The following SYCE1 variants were observed in gnomAD, a reference collection of about 807,000 sequenced individuals.
SYCE1 encodes synaptonemal complex central element protein 1.
In SYCE1, 37 loss-of-function variants were observed where a neutral mutation model predicts 55.1. The observed-to-expected ratio is 0.67, with a 90% CI of 0.52 to 0.88. The LOEUF is 0.88. Ranked by LOEUF, SYCE1 falls within the 40% of genes least tolerant of loss-of-function variation. The pLI is 0.00. For synonymous variants in SYCE1, 163 were observed against 159.4 expected (o/e 1.02, Z -0.17); for missense variants, 399 against 416.4 (o/e 0.96, Z 0.36).
At chr10:133,557,008 T>G (rs536579497) in intron 7 of SYCE1, 59 bp downstream of exon 7, 27 of 1,553,618 alleles carry the variant, frequency 1.7e-5, no homozygotes, top group Admixed American at 3.3e-5. Context: ...CCCCCATCTT[T>G]GACATTATAT....
At position 133,554,935 on chromosome 10, in the gene SYCE1, C is replaced by T. The variant is rs1851615354; in HGVS notation, c.*57G>A. On this transcript the variant is annotated 3_prime_UTR_variant, in exon 13 of 13. Transcript: ENST00000343131. ...GTCAAGCCAAGGCTTCAATCAGTCA[C>T]AGGAGACTGGGGATCTTGGGCCTGA... 1.3e-6 allele frequency: 2 copies of T among 1,486,838 alleles called. No individual in the cohort carries two copies. Among genetic ancestry groups the T allele is most frequent in the Admixed American group, 2.4e-5 (1 of 40,916 alleles). The allele number at this position is 1,486,838 out of a possible 1,614,324, so 92.1% of individuals were successfully genotyped here.
chr10:133,567,173 T>C (rs1851964263), upstream of SYCE1, among the ~76,000 whole-genome samples: 1 of 150,516 alleles, frequency 6.6e-6, no homozygotes. Flanking sequence ...AGGGTTGGTG[T>C]TGGATTTAGG....
intron 1 of SYCE1, among the ~76,000 whole-genome samples, chr10:133,562,338 TTTC>T (rs1445997079): frequency 1.3e-5 from 2 of 150,100 alleles, no homozygotes; most frequent in Non-Finnish European, 3.0e-5. Context: ...CTTCATGATT[TTTC>T]TTTTTTCTCT....
In SYCE1 at chr10:133,563,261, G is replaced by C. The variant is rs80273010; in HGVS notation, c.73+2196C>G. On this transcript the variant is annotated intron_variant, in intron 1 of 12. Transcript: ENST00000343131. ...ATTCTGGATATGGCTAATGGGCAAG[G>C]TGTTCATCACTGTATTGTTTATAAT... 7.5e-3 allele frequency among the ~76,000 whole-genome samples: 1,138 copies of C among 152,268 alleles called. 15 individuals are homozygous for C. The highest frequency in any genetic ancestry group is 0.026 in the African/African-American group (1,084 of 41,526).
chr10:133,564,533 G>A (rs1851882476), intron 1 of SYCE1: 1 of 585,230 alleles, frequency 1.7e-6, no homozygotes, highest in Admixed American at 6.4e-5. Context: ...CTTCGCTGGG[G>A]CTTTCACTGT....
At chr10:133,558,401 T>G in intron 4 of SYCE1, 187 bp from the exon 5 acceptor site, 1 of 649,256 alleles carries the variant, frequency 1.5e-6, no homozygotes, top group Non-Finnish European at 2.7e-6. Flanking sequence ...GCCTTCACAT[T>G]TACAGAGGGT....
intron 1 of SYCE1, chr10:133,564,449 C>T: frequency 1.0e-6 from 1 of 985,282 alleles, no homozygotes; most frequent in Non-Finnish European, 1.2e-6. Context: ...TACTGAAAGG[C>T]TAGCACACCG....
chr10:133,559,371 G>C lies in SYCE1; in HGVS notation c.137-11C>G. 1 of 1,613,990 alleles carries C rather than the reference G, an allele frequency of 6.2e-7. No homozygotes were observed. Among genetic ancestry groups the C allele is most frequent in the Non-Finnish European group, 8.5e-7 (1 of 1,179,924 alleles). On this transcript the variant is annotated splice_polypyrimidine_tract_variant and intron_variant, in intron 2 of 12. Transcript: ENST00000343131. ...GCTCTAGGCTTCCCACTGCACGGAG[G>C]AAAGGAGGTTGAGTTGACAGGGCAG...
chr10:133,557,306 C>A (rs1851708784), intron 6 of SYCE1, 150 bp from the exon 7 acceptor site: 1 of 674,382 alleles, frequency 1.5e-6, no homozygotes, highest in Non-Finnish European at 2.6e-6. Context: ...AGTGACATGA[C>A]CATTTGCCCC....
intron 1 of SYCE1, among the ~76,000 whole-genome samples, chr10:133,562,277 G>C (rs1405877504): frequency 2.0e-5 from 2 of 98,506 alleles, no homozygotes; most frequent in African/African-American, 7.3e-5. Flanking sequence ...GTGTGTGTGT[G>C]TGTGTGTGTG....
intron 8 of SYCE1, 53 bp downstream of exon 8, chr10:133,556,706 T>G: frequency 6.5e-7 from 1 of 1,536,674 alleles, no homozygotes; most frequent in South Asian, 1.2e-5. Context: ...CGTTTGGGCC[T>G]GGTGCTGCTA....
chr10:133,566,701 G>C (rs1052113506), upstream of SYCE1, among the ~76,000 whole-genome samples: 6 of 151,474 alleles, frequency 4.0e-5, no homozygotes, highest in African/African-American at 1.5e-4. Flanking sequence ...AAGGGTTAGG[G>C]TTTTAGGGTA....
chr10:133,556,274 A>G (rs1851680722), intron 8 of SYCE1: 1 of 594,636 alleles, frequency 1.7e-6, no homozygotes, highest in Admixed American at 3.0e-5. Flanking sequence ...GGGGATGCTC[A>G]TGGATTGTTA....
At chr10:133,562,140 A>G (rs1851827627) in intron 1 of SYCE1, among the ~76,000 whole-genome samples, 1 of 152,168 alleles carries the variant, frequency 6.6e-6, no homozygotes, top group African/African-American at 2.4e-5. Context: ...CTGGTTTGAT[A>G]CTTGGTACTT....
chr10:133,555,178 C>A, intron 12 of SYCE1, 49 bp from the exon 13 acceptor site: 1 of 1,529,438 alleles, frequency 6.5e-7, no homozygotes, highest in Non-Finnish European at 8.8e-7. Flanking sequence ...ATCCCCATGG[C>A]CACATGGTCC....
Position 133,558,730 on chromosome 10 carries a change from G to A in SYCE1, c.271+147C>T, listed in dbSNP as rs1851748278. On this transcript the variant is annotated intron_variant, in intron 4 of 12. Transcript: ENST00000343131. ...TGTTTCCTGAACACTCCCACAAGCA[G>A]AGAGGAGAGGGGGAGATTGGCAGGA... 3.9e-6 allele frequency: 3 copies of A among 770,356 alleles called. No homozygotes were observed. The South Asian group carries it at 5.1e-5, about 13-fold the overall frequency. 47.7% of individuals were successfully genotyped at this position (770,356 alleles called of 1,614,324 possible). A position where few individuals can be genotyped will look rare whatever the true frequency, so the allele number is the denominator to read the frequency against.
In SYCE1 at chr10:133,560,152, C is replaced by T; in HGVS notation, c.75G>A (p.Gly25=). 2 of 1,613,828 alleles carry T rather than the reference C, an allele frequency of 1.2e-6. No homozygotes were observed. The highest frequency in any genetic ancestry group is 8.5e-7 in the Non-Finnish European group (1 of 1,179,884). Residue 25 remains glycine (G), a splice_region_variant and synonymous_variant, in exon 2 of 13, where the codon GGG becomes GGA. Transcript: ENST00000343131. ...GAVDRAEKAG[G]QDTSSQKIED... is the part of the protein sequence containing the mutation. Reference sequence around the variant, plus strand: ...CAATTTTCTGTGAGGACGTGTCCTGCCCTGTGGAGACAAAACCAAACATTT... The same window carrying T: ...CAATTTTCTGTGAGGACGTGTCCTGTCCTGTGGAGACAAAACCAAACATTT...
intron 8 of SYCE1, chr10:133,556,307 G>A: frequency 1.7e-6 from 1 of 575,404 alleles, no homozygotes; most frequent in Non-Finnish European, 3.1e-6. Flanking sequence ...AAACCTGCAA[G>A]CACTGTGAGT....
chr10:133,561,804 T>C (rs966706814), intron 1 of SYCE1, among the ~76,000 whole-genome samples: 28 of 152,166 alleles, frequency 1.8e-4, no homozygotes, highest in Non-Finnish European at 1.8e-4. Context: ...TTTTGGTCCT[T>C]TTCCTATTGG....
Sources: gnomAD v4.1 joint callset for allele counts (sites outside exome capture counted in the v4.1 genomes callset) on GRCh38, gnomAD v4.1.1 for gene constraint, MANE v1.5 for transcripts, NCBI Gene and HGNC (gene_info 2026-07-23, HGNC 2026-07-21) for gene names.